The following MYOM2 variants were observed in gnomAD, a reference collection of about 807,000 sequenced individuals.
MYOM2 encodes the protein myomesin 2.
Under a neutral mutation model 187.6 loss-of-function variants are expected in MYOM2, and 254 were observed. The ratio of observed to expected loss-of-function variants is 1.35; its 90% confidence interval spans 1.22 to 1.50. MYOM2 has a LOEUF of 1.50. MYOM2 is among the 40% of genes most tolerant of loss of function. MYOM2 has a pLI of 0.00. For missense variants in MYOM2, 2,796 were observed against 1,924.0 expected, an observed-to-expected ratio of 1.45 and a Z score of -8.48; for synonymous variants, 981 against 753.8, an observed-to-expected ratio of 1.30 and a Z score of -4.94.
chr8:2,097,733 T>C (rs1280126706), intron 18 of MYOM2, among the ~76,000 whole-genome samples: 1 of 152,214 alleles, frequency 6.6e-6, no homozygotes, highest in Non-Finnish European at 1.5e-5. Context: ...CCCAGGTTGG[T>C]CTGGAACTCC....
At chr8:2,059,279 T>A (rs761491035) in intron 6 of MYOM2, 34 bp downstream of exon 6, 1 of 1,593,716 alleles carries the variant, frequency 6.3e-7, no homozygotes. Flanking sequence ...GACGCTGGCG[T>A]CCAGTAATCA....
chr8:2,085,023 T>G, intron 13 of MYOM2: 3 of 471,950 alleles, frequency 6.4e-6, no homozygotes. Flanking sequence ...GACTTTCGGG[T>G]GAGATTCCTT....
At chr8:2,120,686 A>ATT (rs1393491618) in intron 28 of MYOM2, among the ~76,000 whole-genome samples, 1 of 77,010 alleles carries the variant, frequency 1.3e-5, no homozygotes, top group African/African-American at 4.5e-5. Context: ...TATATTATAT[A>ATT]TAAATATATA....
At chr8:2,073,671 T>G (rs1819316697) in intron 10 of MYOM2, among the ~76,000 whole-genome samples, 171 bp downstream of exon 10, 1 of 152,196 alleles carries the variant, frequency 6.6e-6, no homozygotes. Context: ...GCACGCCAGG[T>G]GCTTCCTGCC....
intron 1 of MYOM2, among the ~76,000 whole-genome samples, chr8:2,049,940 C>G (rs1818428542): frequency 6.6e-6 from 1 of 152,164 alleles, no homozygotes; most frequent in Non-Finnish European, 1.5e-5. Context: ...ATCCCTGAGG[C>G]TTTCATGCCA....
intron 28 of MYOM2, among the ~76,000 whole-genome samples, chr8:2,119,648 G>A (rs1295919387): frequency 6.6e-6 from 1 of 152,190 alleles, no homozygotes; most frequent in African/African-American, 2.4e-5. Context: ...AGCTGGCAGT[G>A]AGGGAGAGCG....
Position 2,109,507 on chromosome 8 carries a change from C to G in MYOM2, c.3156C>G (p.Asn1052Lys), listed in dbSNP as rs2280897. ...SPDASYRFIINDREVSDSEIH... is the reference protein window; with the variant it reads ...SPDASYRFIIKDREVSDSEIH... ...ATGCCAGCTACCGATTTATTATTAA[C>G]GACAGAGAAGTCTCTGACAGCGAGG... The change falls in exon 25 of 37, where the codon AAC becomes AAG. Residue 1052 changes from asparagine to lysine, a missense_variant. Asn to Lys is a moderately conservative substitution (Grantham distance 94, BLOSUM62 0). Coordinates refer to ENST00000262113, the MANE Select transcript of MYOM2 (RefSeq NM_003970.4). The G allele has an allele frequency of 1.2e-6, 2 of 1,612,442 alleles. No homozygotes were observed. Among genetic ancestry groups the G allele is most frequent in the East Asian group, 4.5e-5 (2 of 44,656 alleles).
At chr8:2,078,594 A>G (rs1371127304) in intron 11 of MYOM2, 140 bp from the exon 12 acceptor site, 12 of 716,040 alleles carry the variant, frequency 1.7e-5, no homozygotes, top group South Asian at 8.8e-5. Context: ...ATACAAGTCA[A>G]TATCTTAGCA....
At chr8:2,060,938 G>A (rs1437327654) in intron 6 of MYOM2, among the ~76,000 whole-genome samples, 1 of 152,068 alleles carries the variant, frequency 6.6e-6, no homozygotes, top group Non-Finnish European at 1.5e-5. Flanking sequence ...AGGGTAGGGC[G>A]GATGGGAAAT....
At chr8:2,118,955 G>C (rs1263717713) in intron 28 of MYOM2, 1 of 152,400 alleles carries the variant, frequency 6.6e-6, no homozygotes, top group Non-Finnish European at 1.5e-5. Flanking sequence ...GCAGGGGCTG[G>C]CAAGTAGCTG....
intron 1 of MYOM2, among the ~76,000 whole-genome samples, chr8:2,049,653 T>G (rs1389174011): frequency 1.3e-5 from 2 of 152,214 alleles, no homozygotes; most frequent in African/African-American, 2.4e-5. Flanking sequence ...CCTCGTCATT[T>G]AAACAGAAAA....
intron 18 of MYOM2, chr8:2,098,115 C>G (rs753163314): frequency 6.6e-6 from 1 of 152,230 alleles, no homozygotes; most frequent in African/African-American, 2.4e-5. Context: ...GAGAAAAGTA[C>G]CTGCTTACTT....
chr8:2,105,487 G>A (rs1796859374), intron 21 of MYOM2, among the ~76,000 whole-genome samples: 1 of 152,248 alleles, frequency 6.6e-6, no homozygotes, highest in Middle Eastern at 3.4e-3. Flanking sequence ...ACAAGGCAAG[G>A]CCCCATGGAG....
At chr8:2,060,243 C>T (rs1236399776) in intron 6 of MYOM2, among the ~76,000 whole-genome samples, 2 of 152,088 alleles carry the variant, frequency 1.3e-5, no homozygotes, top group Non-Finnish European at 2.9e-5. Flanking sequence ...ACTTAAGGAG[C>T]ACACGCTTGT....
Position 2,106,249 on chromosome 8 carries a change from G to A in MYOM2, c.2742G>A (p.Lys914=). The change falls in exon 22 of 37, where the codon AAG becomes AAA. Residue 914 remains lysine (K), a synonymous_variant. Coordinates refer to ENST00000262113, the MANE Select transcript of MYOM2 (RefSeq NM_003970.4). ...PVLVEARPGT[K]EISAGVDEQG... ...CATACTCTTCTTATGCAGGCACCAAGGAAATCAGTGCTGGTGTCGATGAAC... is the reference window on the plus strand; with the variant it reads ...CATACTCTTCTTATGCAGGCACCAAAGAAATCAGTGCTGGTGTCGATGAAC... The A allele has an allele frequency of 6.2e-7, 1 of 1,614,074 alleles. No homozygotes were observed. The highest frequency in any genetic ancestry group is 1.1e-5 in the South Asian group (1 of 91,054).
In MYOM2 at chr8:2,117,913, G is replaced by A; in HGVS notation, c.3414G>A (p.Trp1138Ter). 1 of 1,612,614 alleles carries A rather than the reference G, an allele frequency of 6.2e-7. No individual in the cohort carries two copies. Among genetic ancestry groups the A allele is most frequent in the Non-Finnish European group, 8.5e-7 (1 of 1,179,284 alleles). Residue 1138 changes from tryptophan (W) to a stop codon, truncating the protein, a stop_gained, in exon 28 of 37, where the codon TGG (tryptophan) becomes TGA (stop). Coordinates refer to ENST00000262113, the MANE Select transcript of MYOM2 (RefSeq NM_003970.4). LOFTEE classifies it high-confidence loss of function. The part of the protein sequence containing the change: ...QGPHFAEYLH[W>*]DVTEECEVRL... ...CTCATTTTGCTGAGTACTTGCACTG[G>A]GATGTCACGGAAGAATGTGAAGTTC...
intron 13 of MYOM2, among the ~76,000 whole-genome samples, chr8:2,084,204 G>C (rs768145787): frequency 1.3e-5 from 2 of 152,128 alleles, no homozygotes; most frequent in Non-Finnish European, 2.9e-5. Flanking sequence ...GGTGTCCCCC[G>C]CCCCAGTTAC....
intron 6 of MYOM2, among the ~76,000 whole-genome samples, chr8:2,063,615 T>C (rs1433794374): frequency 6.6e-6 from 1 of 152,208 alleles, no homozygotes; most frequent in East Asian, 1.9e-4. Flanking sequence ...GGTGAAACGT[T>C]TTTTGTACTT....
intron 1 of MYOM2, among the ~76,000 whole-genome samples, chr8:2,049,468 G>A (rs1239864219): frequency 6.6e-6 from 1 of 152,164 alleles, no homozygotes; most frequent in Non-Finnish European, 1.5e-5. Context: ...TTTATGTACT[G>A]TGGTAGGTTT....
Sources: gnomAD v4.1 joint callset for allele counts (sites outside exome capture counted in the v4.1 genomes callset) on GRCh38, gnomAD v4.1.1 for gene constraint, MANE v1.5 for transcripts, NCBI Gene and HGNC (gene_info 2026-07-23, HGNC 2026-07-21) for gene names.